The following RNF144A variants were observed in gnomAD, a reference collection of about 807,000 sequenced individuals.
RNF144A encodes E3 ubiquitin-protein ligase RNF144A.
RNF144A carries 11 observed loss-of-function variants against 38.7 expected under a neutral mutation model. The observed-to-expected ratio is 0.28, with a 90% CI of 0.18 to 0.47. The LOEUF is 0.47. Among genes scored for constraint, RNF144A ranks in the 20% least tolerant of loss-of-function variants. RNF144A has a pLI of 0.99. For synonymous variants in RNF144A, 149 were observed against 143.9 expected (o/e 1.04, Z -0.25); for missense variants, 316 against 377.2 (o/e 0.84, Z 1.34).
chr2:7,002,688 G>A (rs1670189394), intron 3 of RNF144A, among the ~76,000 whole-genome samples: 1 of 152,148 alleles, frequency 6.6e-6, no homozygotes, highest in South Asian at 2.1e-4. Context: ...TAAGATTACA[G>A]GAGCTGAAAA....
chr2:7,015,532 A>G (rs1338130448), intron 5 of RNF144A, among the ~76,000 whole-genome samples: 5 of 152,208 alleles, frequency 3.3e-5, no homozygotes, highest in Non-Finnish European at 5.9e-5. Context: ...ACAGAGCAGA[A>G]CATGATTCTC....
At position 7,044,050 on chromosome 2, in the gene RNF144A, A is replaced by G. The variant is rs1049554413; in HGVS notation, c.*4290A>G. On this transcript the variant is annotated 3_prime_UTR_variant, in exon 9 of 9. Transcript: ENST00000320892. ...GTTGTGTTTTGTACTCTGGAATCAT[A>G]TGGAAAAAGTTTGATTTGTAATTTC... 1.0e-6 allele frequency: 1 copy of G among 985,754 alleles called. No individual in the cohort carries two copies. Among genetic ancestry groups the G allele is most frequent in the Admixed American group, 6.1e-5 (1 of 16,276 alleles). The allele number at this position is 985,754 out of a possible 1,614,324, so 61.1% of individuals were successfully genotyped here. A position where few individuals can be genotyped will look rare whatever the true frequency, so the allele number is the denominator to read the frequency against.
At chr2:6,932,458 A>AT (rs200218035) in intron 1 of RNF144A, among the ~76,000 whole-genome samples, 69 of 151,920 alleles carry the variant, frequency 4.5e-4, no homozygotes, top group African/African-American at 1.4e-3. Context: ...CTATTTGGAG[A>AT]TTTTTTTTTC....
intron 5 of RNF144A, among the ~76,000 whole-genome samples, chr2:7,020,088 A>G (rs1671417493): frequency 6.6e-6 from 1 of 152,138 alleles, no homozygotes; most frequent in Non-Finnish European, 1.5e-5. Flanking sequence ...CAGATGAGCT[A>G]GCGCCATGTG....
At chr2:7,075,392 T>C in the RNF144A span, among the ~76,000 whole-genome samples, 2 of 152,174 alleles carry the variant, frequency 1.3e-5, no homozygotes, top group Admixed American at 1.3e-4. Flanking sequence ...GACACAGTGC[T>C]ATGGATTGAA....
rs1572465593 is a variant in RNF144A, at chr2:7,040,407, G to A, written c.*647G>A. The A allele has an allele frequency of 2.3e-5, 23 of 985,318 alleles. No individual in the cohort carries two copies. Among genetic ancestry groups the A allele is most frequent in the Non-Finnish European group, 2.8e-5 (23 of 829,966 alleles). The allele number at this position is 985,318 out of a possible 1,614,324, so 61.0% of individuals were successfully genotyped here. ...CTTTGTGTTTTTCTTGAAACTTGCT[G>A]TAGTAACTTTTTGAACGCTGTAAGC... On this transcript the variant is annotated 3_prime_UTR_variant, in exon 9 of 9. Transcript: ENST00000320892.
chr2:6,918,965 G>C (rs1370187492), intron 1 of RNF144A, among the ~76,000 whole-genome samples: 1 of 152,106 alleles, frequency 6.6e-6, no homozygotes, highest in Non-Finnish European at 1.5e-5. Flanking sequence ...AATGGGGCCT[G>C]GGAGATGGAA....
chr2:6,999,633 C>T (rs1166857007), intron 3 of RNF144A, among the ~76,000 whole-genome samples: 1 of 152,166 alleles, frequency 6.6e-6, no homozygotes, highest in Non-Finnish European at 1.5e-5. Flanking sequence ...TATTTCTGCC[C>T]TGAGCAGGCC....
downstream of RNF144A, among the ~76,000 whole-genome samples, chr2:7,048,291 A>G (rs1049116360): frequency 2.6e-4 from 40 of 152,208 alleles, no homozygotes; most frequent in African/African-American, 9.2e-4. Flanking sequence ...ATCAGGTGGG[A>G]GATGGTGCCC....
At chr2:7,054,662 C>T (rs973625380) in intron 6 of RNF144A, among the ~76,000 whole-genome samples, 1 of 152,164 alleles carries the variant, frequency 6.6e-6, no homozygotes, top group African/African-American at 2.4e-5. Context: ...GTAGCTAGCC[C>T]TTTTTGCCTT....
At chr2:6,934,099 A>C (rs1665391570) in intron 1 of RNF144A, among the ~76,000 whole-genome samples, 1 of 152,142 alleles carries the variant, frequency 6.6e-6, no homozygotes, top group South Asian at 2.1e-4. Flanking sequence ...CATTTTCCAA[A>C]ATGACATCTA....
chr2:7,030,349 A>T (rs1346420820), intron 8 of RNF144A, 134 bp downstream of exon 8: 2 of 687,540 alleles, frequency 2.9e-6, no homozygotes, highest in Non-Finnish European at 5.2e-6. Flanking sequence ...AAGGACGAAG[A>T]TCTCCTGGAT....
At chr2:7,014,432 C>T in intron 3 of RNF144A, 22 bp from the exon 4 acceptor site, 5 of 1,513,558 alleles carry the variant, frequency 3.3e-6, no homozygotes, top group South Asian at 1.1e-5. Context: ...TGTTTATAGA[C>T]ACTTCTCTGT....
intron 2 of RNF144A, among the ~76,000 whole-genome samples, chr2:6,972,523 T>C (rs1004046981): frequency 3.3e-5 from 5 of 152,024 alleles, no homozygotes; most frequent in Admixed American, 2.0e-4. Flanking sequence ...TTTCTTGGAG[T>C]GGGGCTGTGG....
At chr2:6,920,753 G>A (rs17606606) in intron 1 of RNF144A, among the ~76,000 whole-genome samples, 35,451 of 152,110 alleles carry the variant, frequency 0.23, 4,892 homozygotes, top group Middle Eastern at 0.33. Flanking sequence ...TCCTTTCTCC[G>A]TTGTTTCTGC....
intron 5 of RNF144A, among the ~76,000 whole-genome samples, chr2:7,017,921 G>A (rs1439551799): frequency 1.3e-5 from 2 of 152,216 alleles, no homozygotes; most frequent in African/African-American, 4.8e-5. Context: ...GACAGGCAGT[G>A]CCGTGTCACA....
intron 6 of RNF144A, among the ~76,000 whole-genome samples, chr2:7,060,882 G>T (rs1431747631): frequency 3.3e-5 from 5 of 152,186 alleles, no homozygotes; most frequent in African/African-American, 4.8e-5. Flanking sequence ...CGGCACTTGT[G>T]TTGAATTGCA....
chr2:6,998,736 C>T (rs539530871), intron 3 of RNF144A, among the ~76,000 whole-genome samples: 9 of 152,260 alleles, frequency 5.9e-5, no homozygotes, highest in East Asian at 1.9e-4. Flanking sequence ...CTGTTAACAC[C>T]GTGAATGGGG....
intron 2 of RNF144A, among the ~76,000 whole-genome samples, chr2:6,952,489 G>A (rs193037083): frequency 4.2e-4 from 63 of 151,130 alleles, no homozygotes; most frequent in African/African-American, 1.4e-3. Flanking sequence ...AACTGAAAAC[G>A]AGACCTAGTG....
Sources: gnomAD v4.1 joint callset for allele counts (sites outside exome capture counted in the v4.1 genomes callset) on GRCh38, gnomAD v4.1.1 for gene constraint, MANE v1.5 for transcripts, NCBI Gene and HGNC (gene_info 2026-07-23, HGNC 2026-07-21) for gene names.